The following FAM168A variants were observed in gnomAD, a reference collection of about 807,000 sequenced individuals.
The protein encoded by FAM168A is family with sequence similarity 168 member A.
A neutral mutation model predicts 28.5 loss-of-function variants in FAM168A; 3 were observed. That is an observed-to-expected ratio of 0.11 (90% CI 0.05 to 0.27). The LOEUF (loss-of-function observed/expected upper bound fraction) is 0.27, where lower values mean the gene tolerates loss of function less well. FAM168A is among the 10% of genes least tolerant of loss of function. The probability of loss-of-function intolerance (pLI) is 1.00; values close to 1 mark genes in which losing one functional copy is unlikely to be tolerated. For missense variants in FAM168A, 222 were observed against 311.5 expected (o/e 0.71, Z 2.16); for synonymous variants, 122 against 124.2 (o/e 0.98, Z 0.12).
chr11:73,496,004 CA>C (rs1854865537), intron 1 of FAM168A, among the ~76,000 whole-genome samples: 1 of 152,068 alleles, frequency 6.6e-6, no homozygotes, highest in Admixed American at 6.5e-5. Flanking sequence ...GGACAACAGC[CA>C]AAGAGTGGAA....
intron 1 of FAM168A, among the ~76,000 whole-genome samples, chr11:73,575,596 G>A (rs1944162388): frequency 6.6e-6 from 1 of 152,152 alleles, no homozygotes; most frequent in African/African-American, 2.4e-5. Context: ...ATGGCCGGGT[G>A]TGGTGGCTCA....
intron 1 of FAM168A, among the ~76,000 whole-genome samples, chr11:73,535,252 T>G (rs1943562366): frequency 6.6e-6 from 1 of 151,930 alleles, no homozygotes; most frequent in African/African-American, 2.4e-5. Flanking sequence ...AAAACACATC[T>G]AATAAACTCA....
chr11:73,437,347 C>T (rs1340805651), intron 2 of FAM168A, among the ~76,000 whole-genome samples: 7 of 151,148 alleles, frequency 4.6e-5, no homozygotes, highest in African/African-American at 7.3e-5. Context: ...CCACCCACCT[C>T]GGCCTCCCAA....
chr11:73,550,457 C>T (rs532219318), intron 1 of FAM168A, among the ~76,000 whole-genome samples: 1 of 152,126 alleles, frequency 6.6e-6, no homozygotes, highest in East Asian at 1.9e-4. Flanking sequence ...GAGTTCAAGA[C>T]CAGCCTGGGC....
At chr11:73,439,378 G>C (rs1035008529) in intron 2 of FAM168A, among the ~76,000 whole-genome samples, 1 of 152,096 alleles carries the variant, frequency 6.6e-6, no homozygotes, top group African/African-American at 2.4e-5. Flanking sequence ...TACCTATCCA[G>C]GTTAAAGGCC....
intron 2 of FAM168A, among the ~76,000 whole-genome samples, chr11:73,456,316 T>C (rs1867531109): frequency 6.6e-6 from 1 of 152,168 alleles, no homozygotes; most frequent in African/African-American, 2.4e-5. Flanking sequence ...AGTAAAGATT[T>C]TTCCCCCTAC....
intron 2 of FAM168A, among the ~76,000 whole-genome samples, chr11:73,455,828 G>A (rs1037121933): frequency 3.9e-5 from 6 of 152,196 alleles, no homozygotes; most frequent in African/African-American, 1.2e-4. Flanking sequence ...CTCTACTGGA[G>A]GGGAAGAGAG....
At chr11:73,590,305 A>C (rs1404960460) in intron 1 of FAM168A, among the ~76,000 whole-genome samples, 2 of 152,184 alleles carry the variant, frequency 1.3e-5, no homozygotes, top group African/African-American at 4.8e-5. Context: ...TAGGAGGCTG[A>C]GGATGGAGGA....
intron 1 of FAM168A, among the ~76,000 whole-genome samples, chr11:73,481,540 A>C (rs1301195630): frequency 1.3e-5 from 2 of 152,222 alleles, no homozygotes; most frequent in African/African-American, 2.4e-5. Flanking sequence ...AGGGATTTCT[A>C]GAGAGACAAT....
At chr11:73,506,992 A>G (rs1464917484) in intron 1 of FAM168A, among the ~76,000 whole-genome samples, 1 of 152,202 alleles carries the variant, frequency 6.6e-6, no homozygotes, top group Non-Finnish European at 1.5e-5. Flanking sequence ...AAAAAATCAC[A>G]CTTAAGAGTG....
rs1943723037 is a variant in FAM168A, at chr11:73,545,007, A to G, written c.-19+52916T>C. Among the ~76,000 whole-genome samples, 4 of 66,634 alleles carry G rather than the reference A, an allele frequency of 6.0e-5. 1 individual carries two copies. In the South Asian group the frequency reaches 1.2e-3, roughly 19 times the overall value. The allele number at this position is 66,634 out of a possible 152,430, so 43.7% of individuals were successfully genotyped here. ...ATTTTATATATAGTATATATAATATACTATATATATAGTATATATAATATA... is the reference window on the plus strand; with the variant it reads ...ATTTTATATATAGTATATATAATATGCTATATATATAGTATATATAATATA... On this transcript the variant is annotated intron_variant, in intron 1 of 7. Transcript: ENST00000356467.
At position 73,403,480 on chromosome 11, in the gene FAM168A, G is replaced by C. The variant is rs1195069116; in HGVS notation, c.*3283C>G. ...GAGGAGAGAGGGGTTTGCATCCTGG[G>C]GCCAGTGCTGTAGCTCACTGTCAGG... On this transcript the variant is annotated 3_prime_UTR_variant, in exon 8 of 8. Transcript: ENST00000356467. 6.6e-6 allele frequency: 1 copy of C among 152,208 alleles called. No homozygotes were observed. The highest frequency in any genetic ancestry group is 1.5e-5 in the Non-Finnish European group (1 of 68,086). 9.4% of individuals were successfully genotyped at this position (152,208 alleles called of 1,614,324 possible).
intron 1 of FAM168A, among the ~76,000 whole-genome samples, chr11:73,556,684 T>C (rs922721930): frequency 2.0e-5 from 3 of 151,768 alleles, no homozygotes; most frequent in Non-Finnish European, 4.4e-5. Flanking sequence ...TTTCAAAAAA[T>C]TGAGATGATA....
chr11:73,511,527 C>A (rs1855226178), intron 1 of FAM168A, among the ~76,000 whole-genome samples: 1 of 148,448 alleles, frequency 6.7e-6, no homozygotes, highest in South Asian at 2.1e-4. Context: ...ATGGCCACCG[C>A]GCCCGGCTGA....
intron 1 of FAM168A, among the ~76,000 whole-genome samples, chr11:73,577,129 A>C (rs1368619254): frequency 6.6e-6 from 1 of 152,162 alleles, no homozygotes; most frequent in Non-Finnish European, 1.5e-5. Context: ...CGAATCCACA[A>C]ATCTACCAAT....
chr11:73,553,408 G>C (rs1181501989), intron 1 of FAM168A, among the ~76,000 whole-genome samples: 1 of 152,108 alleles, frequency 6.6e-6, no homozygotes, highest in Non-Finnish European at 1.5e-5. Context: ...TGGGAAAGAA[G>C]GAATAAAGAC....
chr11:73,412,658 A>G (rs570385202), intron 4 of FAM168A, among the ~76,000 whole-genome samples: 2 of 152,178 alleles, frequency 1.3e-5, no homozygotes, highest in African/African-American at 4.8e-5. Context: ...CTTTTTAATA[A>G]CTTCTCCTAA....
intron 1 of FAM168A, among the ~76,000 whole-genome samples, chr11:73,592,423 T>C (rs1944393531): frequency 6.6e-6 from 1 of 152,220 alleles, no homozygotes; most frequent in South Asian, 2.1e-4. Flanking sequence ...AGGAAGTAAA[T>C]TTAACAAAAT....
intron 2 of FAM168A, among the ~76,000 whole-genome samples, chr11:73,438,964 C>T (rs565153545): frequency 6.8e-6 from 1 of 146,998 alleles, no homozygotes; most frequent in Admixed American, 6.7e-5. Flanking sequence ...ACCCCCCCTT[C>T]TTTTCTTTGA....
Sources: allele counts gnomAD v4.1 joint callset (sites outside exome capture counted in the v4.1 genomes callset), GRCh38; gene constraint gnomAD v4.1.1; transcripts MANE v1.5; gene names NCBI Gene and HGNC (gene_info 2026-07-23, HGNC 2026-07-21).